Variants in NAV2 observed in about 807,000 individuals in gnomAD.
NAV2 encodes helicase, APC down-regulated 1.
A neutral mutation model predicts 223.2 loss-of-function variants in NAV2; 54 were observed. The ratio of observed to expected loss-of-function variants is 0.24; its 90% CI spans 0.19 to 0.30. NAV2 has a LOEUF of 0.30. Among genes scored for constraint, NAV2 ranks in the 10% least tolerant of loss-of-function variants. The pLI is 1.00. For missense variants in NAV2, 2,806 were observed against 3,147.5 expected, an observed-to-expected ratio of 0.89 and a Z score of 2.60; for synonymous variants, 1,279 against 1,239.3, an observed-to-expected ratio of 1.03 and a Z score of -0.67.
chr11:19,765,434 C>T (rs2055135501), intron 1 of NAV2, among the ~76,000 whole-genome samples: 2 of 149,296 alleles, frequency 1.3e-5, no homozygotes, highest in South Asian at 2.2e-4. Context: ...TCCTCCTCCT[C>T]CTTCTTCTTC....
At position 19,796,421 on chromosome 11, in the gene NAV2, C is replaced by T. The variant is rs143074748; in HGVS notation, c.268-36063C>T. Among the ~76,000 whole-genome samples, 399 of 152,278 alleles carry T rather than the reference C, an allele frequency of 2.6e-3. 4 individuals carry two copies. The highest frequency in any genetic ancestry group is 9.0e-3 in the African/African-American group (376 of 41,554). On this transcript the variant is annotated intron_variant, in intron 1 of 37. Coordinates refer to ENST00000349880, the MANE Select transcript of NAV2 (RefSeq NM_145117.5). The stretch of plus-strand genomic sequence containing the variant: ...GTCATGAGGGCTTGAAAATCCTCAA[C>T]CTTCTTTATTGTGAACCCTTTCTTG...
chr11:19,475,121 C>G (rs1051236588), intron 1 of NAV2, among the ~76,000 whole-genome samples: 40 of 152,232 alleles, frequency 2.6e-4, no homozygotes, highest in African/African-American at 8.0e-4. Context: ...CAGCCTGCAT[C>G]TGGGGAAAGC....
At chr11:20,047,370 G>C (rs2057549244) in intron 14 of NAV2, among the ~76,000 whole-genome samples, 2 of 152,156 alleles carry the variant, frequency 1.3e-5, no homozygotes. Context: ...ATGTGTATTA[G>C]TATGGTGAAG....
intron 1 of NAV2, among the ~76,000 whole-genome samples, chr11:19,703,100 G>C (rs1230163743): frequency 6.6e-6 from 1 of 151,448 alleles, no homozygotes; most frequent in South Asian, 2.1e-4. Context: ...AATTTTAACA[G>C]TAGGCTAATA....
At chr11:19,901,379 T>C (rs927473683) in intron 6 of NAV2, among the ~76,000 whole-genome samples, 4 of 152,130 alleles carry the variant, frequency 2.6e-5, no homozygotes, top group Admixed American at 6.5e-5. Context: ...AAACCCTGTC[T>C]CTAATAAAAA....
chr11:19,935,269 G>C (rs771907239), intron 7 of NAV2, among the ~76,000 whole-genome samples: 5 of 152,194 alleles, frequency 3.3e-5, no homozygotes, highest in Non-Finnish European at 5.9e-5. Context: ...GAGGATTAAT[G>C]ATCAAGTGTC....
intron 1 of NAV2, among the ~76,000 whole-genome samples, chr11:19,456,200 G>A (rs567629248): frequency 6.6e-5 from 10 of 152,304 alleles, no homozygotes; most frequent in South Asian, 4.2e-4. Flanking sequence ...GTAAAAGAGC[G>A]TGCATTTAAA....
At chr11:19,704,626 G>A (rs2152291199) in intron 1 of NAV2, among the ~76,000 whole-genome samples, 1 of 152,268 alleles carries the variant, frequency 6.6e-6, no homozygotes, top group Middle Eastern at 3.4e-3. Context: ...CTTAGTCTCT[G>A]GCACATAAGA....
At chr11:19,547,595 C>A (rs1011723119) in intron 1 of NAV2, among the ~76,000 whole-genome samples, 3 of 152,110 alleles carry the variant, frequency 2.0e-5, no homozygotes, top group Non-Finnish European at 4.4e-5. Flanking sequence ...TCTTCTCTAC[C>A]TCTTGTTTTG....
At chr11:20,093,530 G>A (rs894847215) in intron 29 of NAV2, among the ~76,000 whole-genome samples, 3 of 152,204 alleles carry the variant, frequency 2.0e-5, no homozygotes, top group Non-Finnish European at 4.4e-5. Flanking sequence ...TTCAGAGGCA[G>A]CTATGCACAT....
Position 20,042,480 on chromosome 11 carries a change from C to T in NAV2, c.2908-1501C>T, listed in dbSNP as rs112188239. ...CAGTGTGTGTTTGTCCTCCTCATAT[C>T]TCTAGTGACTAATACTTAGCTGGAA... On this transcript the variant is annotated intron_variant, in intron 12 of 37. Transcript: ENST00000349880. Among the ~76,000 whole-genome samples the T allele has an allele frequency of 9.4e-3, 1,433 of 152,090 alleles. 21 individuals carry two copies. Among genetic ancestry groups the T allele is most frequent in the African/African-American group, 0.033 (1,363 of 41,438 alleles).
At chr11:19,787,438 A>T (rs2057216023) in intron 1 of NAV2, among the ~76,000 whole-genome samples, 1 of 152,018 alleles carries the variant, frequency 6.6e-6, no homozygotes, top group South Asian at 2.1e-4. Context: ...CTAAAGCAGG[A>T]TGTAGAAATC....
chr11:19,821,038 A>G (rs1047928414), intron 1 of NAV2, among the ~76,000 whole-genome samples: 14 of 152,270 alleles, frequency 9.2e-5, no homozygotes, highest in South Asian at 4.1e-4. Flanking sequence ...CGAGGCGGGC[A>G]AATCACGAGG....
intron 1 of NAV2, among the ~76,000 whole-genome samples, chr11:19,624,489 C>T (rs1351695568): frequency 4.6e-5 from 7 of 152,194 alleles, no homozygotes; most frequent in Non-Finnish European, 1.0e-4. Context: ...TACTGCCTTG[C>T]AGTTCGATCT....
chr11:19,569,785 G>A (rs2134879739), intron 1 of NAV2, among the ~76,000 whole-genome samples: 1 of 152,280 alleles, frequency 6.6e-6, no homozygotes. Flanking sequence ...CCCTGGGGAG[G>A]GAGAACTGCC....
chr11:19,574,906 G>A (rs2045528257), intron 1 of NAV2, among the ~76,000 whole-genome samples: 1 of 152,150 alleles, frequency 6.6e-6, no homozygotes, highest in South Asian at 2.1e-4. Context: ...ATCAGAACAG[G>A]CCAACCATAC....
chr11:19,698,292 G>C (rs1472226913), intron 1 of NAV2, among the ~76,000 whole-genome samples: 4 of 152,146 alleles, frequency 2.6e-5, no homozygotes, highest in Non-Finnish European at 5.9e-5. Context: ...AAGCATTGGG[G>C]ATATAATTCA....
chr11:20,108,072 C>T (rs1203830787), intron 36 of NAV2, among the ~76,000 whole-genome samples: 1 of 152,222 alleles, frequency 6.6e-6, no homozygotes, highest in Admixed American at 6.5e-5. Context: ...TGGAAGTGCT[C>T]AGCATCGTGA....
chr11:20,005,276 A>C (rs2052953806), intron 11 of NAV2, among the ~76,000 whole-genome samples: 1 of 132,808 alleles, frequency 7.5e-6, no homozygotes, highest in Non-Finnish European at 1.6e-5. Flanking sequence ...TTTGAGATGG[A>C]GTCTTGCTCT....
Sources: gnomAD v4.1 joint callset for allele counts (sites outside exome capture counted in the v4.1 genomes callset) on GRCh38, gnomAD v4.1.1 for gene constraint, MANE v1.5 for transcripts, NCBI Gene and HGNC (gene_info 2026-07-23, HGNC 2026-07-21) for gene names.